The following AFAP1 variants were observed in gnomAD, a reference collection of about 807,000 sequenced individuals.
AFAP1 encodes the protein actin filament associated protein 1, also known as actin filament-associated protein 1.
A neutral mutation model predicts 93.9 loss-of-function variants in AFAP1; 75 were observed. The observed-to-expected ratio is 0.80, with a 90% CI of 0.66 to 0.97. AFAP1 has a LOEUF of 0.97. AFAP1 is among the 50% of genes least tolerant of loss of function. The pLI, the probability that AFAP1 is intolerant of heterozygous loss-of-function variation, is 0.00. For missense variants in AFAP1, 1,201 were observed against 1,050.8 expected (o/e 1.14, Z -1.98); for synonymous variants, 517 against 430.7 (o/e 1.20, Z -2.48).
chr4:7,853,546 C>A (rs929934731), intron 4 of AFAP1, among the ~76,000 whole-genome samples: 1 of 152,152 alleles, frequency 6.6e-6, no homozygotes, highest in African/African-American at 2.4e-5. Flanking sequence ...TTCCCGGCTG[C>A]CGGCCCGACC....
intron 8 of AFAP1, 74 bp from the exon 9 acceptor site, chr4:7,809,837 A>G: frequency 6.6e-7 from 1 of 1,525,270 alleles, no homozygotes; most frequent in Non-Finnish European, 8.8e-7. Flanking sequence ...CATACATCAA[A>G]ACCCATTTCT....
At chr4:7,832,033 G>A (rs754426145) in intron 6 of AFAP1, among the ~76,000 whole-genome samples, 11 of 152,104 alleles carry the variant, frequency 7.2e-5, no homozygotes, top group African/African-American at 2.2e-4. Flanking sequence ...GTAGCACTTC[G>A]CCCACCTGAG....
chr4:7,763,147 A>T lies in AFAP1; in HGVS notation c.*618T>A, dbSNP rs1372403019. 6.5e-6 allele frequency: 1 copy of T among 152,712 alleles called. No homozygotes were observed. Among genetic ancestry groups the T allele is most frequent in the Non-Finnish European group, 1.5e-5 (1 of 68,090 alleles). The allele number at this position is 152,712 out of a possible 1,614,324, so 9.5% of individuals were successfully genotyped here. On this transcript the variant is annotated 3_prime_UTR_variant, in exon 18 of 18. Transcript: ENST00000420658. The stretch of plus-strand genomic sequence containing the variant: ...CTTTTCATGTCTTGGTGACAAAAGC[A>T]TCTGTCCAAAAAATAATAATAAAAG...
intron 6 of AFAP1, among the ~76,000 whole-genome samples, chr4:7,836,328 G>T (rs934914906): frequency 3.3e-5 from 5 of 152,228 alleles, no homozygotes; most frequent in African/African-American, 1.2e-4. Context: ...CCCAAGTACT[G>T]TAAGAGCCAC....
intron 10 of AFAP1, among the ~76,000 whole-genome samples, chr4:7,796,869 G>A (rs953923890): frequency 6.6e-6 from 1 of 150,980 alleles, no homozygotes; most frequent in Admixed American, 6.6e-5. Flanking sequence ...AGACCAGCCT[G>A]GCTAACATGG....
chr4:7,901,331 T>C (rs1290008272), intron 1 of AFAP1, among the ~76,000 whole-genome samples: 1 of 152,182 alleles, frequency 6.6e-6, no homozygotes, highest in African/African-American at 2.4e-5. Flanking sequence ...AAATCACAGG[T>C]ATCACATACT....
rs1560236337 is a variant in AFAP1, at chr4:7,918,966, T to TCGGCCCAGGTCACCA, written c.-3+20689_-3+20690insTGGTGACCTGGGCCG. Among the ~76,000 whole-genome samples the TCGGCCCAGGTCACCA allele has an allele frequency of 3.6e-4, 13 of 35,962 alleles. No homozygotes were observed. The East Asian group carries it at 4.6e-3, about 13-fold the overall frequency. 23.6% of individuals were successfully genotyped at this position (35,962 alleles called of 152,430 possible). ...CCAGGTCACCAGGAAACAGGGCTGT[T>TCGGCCCAGGTCACCA]GGAAGAGACACTCGGCCCAGGTCAC... is the stretch of plus-strand genomic sequence containing the variant. On this transcript the variant is annotated intron_variant, in intron 1 of 17. Coordinates refer to ENST00000420658, the MANE Select transcript of AFAP1 (RefSeq NM_001134647.2).
intron 9 of AFAP1, 43 bp from the exon 10 acceptor site, chr4:7,800,696 C>T: frequency 6.2e-7 from 1 of 1,607,086 alleles, no homozygotes; most frequent in African/African-American, 1.3e-5. Flanking sequence ...TCGGACAAGA[C>T]CAGGCGAGGT....
chr4:7,763,824 G>T, intron 17 of AFAP1, 33 bp from the exon 18 acceptor site: 1 of 1,551,106 alleles, frequency 6.4e-7, no homozygotes, highest in Non-Finnish European at 8.7e-7. Context: ...AAGTGGACAG[G>T]GCAAGAGGAT....
intron 1 of AFAP1, among the ~76,000 whole-genome samples, chr4:7,906,464 C>A (rs1204103211): frequency 2.0e-5 from 3 of 152,164 alleles, no homozygotes; most frequent in Non-Finnish European, 4.4e-5. Flanking sequence ...TTCCACCCCC[C>A]TATTCCGGAG....
chr4:7,883,063 T>C (rs1577332053), intron 1 of AFAP1, among the ~76,000 whole-genome samples: 1 of 150,934 alleles, frequency 6.6e-6, no homozygotes, highest in African/African-American at 2.4e-5. Flanking sequence ...CACACACCTG[T>C]AGTCTCAGCT....
At chr4:7,902,331 A>T (rs1719163632) in intron 1 of AFAP1, among the ~76,000 whole-genome samples, 1 of 152,188 alleles carries the variant, frequency 6.6e-6, no homozygotes, top group Non-Finnish European at 1.5e-5. Context: ...ATTTAAAATT[A>T]ATAAGCCTGC....
At chr4:7,819,955 G>C (rs4689873) in intron 6 of AFAP1, among the ~76,000 whole-genome samples, 30,610 of 152,168 alleles carry the variant, frequency 0.2, 3,740 homozygotes, top group African/African-American at 0.33. Context: ...CCCAAGACAG[G>C]GCCTAAAGCA....
intron 1 of AFAP1, among the ~76,000 whole-genome samples, chr4:7,899,027 A>G (rs6837845): frequency 0.13 from 19,517 of 150,044 alleles, 1,447 homozygotes; most frequent in Non-Finnish European, 0.18. Flanking sequence ...ATGTGTGTGT[A>G]TATATATATA....
chr4:7,800,568 C>A lies in AFAP1; in HGVS notation c.1140G>T (p.Arg380Ser). ...ACACAATATGGGTCTTCAGGTCGGT[C>A]CTGTCCTTGTGGAAAATGAGCTTGT... Reference protein sequence around the residue: ...KDNKLIFHKDRTDLKTHIVSI... With the variant: ...KDNKLIFHKDSTDLKTHIVSI... Residue 380 changes from arginine to serine, a missense_variant, in exon 10 of 18, where the codon AGG becomes AGT. Physicochemically the swap from Arg to Ser is moderately radical, Grantham distance 110 (BLOSUM62 -1). Transcript: ENST00000420658. The A allele has an allele frequency of 6.2e-7, 1 of 1,614,170 alleles. No homozygotes were observed. Among genetic ancestry groups the A allele is most frequent in the Non-Finnish European group, 8.5e-7 (1 of 1,180,044 alleles).
Position 7,937,056 on chromosome 4 carries a change from T to A in AFAP1, c.-3+2600A>T, listed in dbSNP as rs114721664. Among the ~76,000 whole-genome samples, 740 of 152,222 alleles carry A rather than the reference T, an allele frequency of 4.9e-3. 4 individuals carry two copies. The highest frequency in any genetic ancestry group is 0.017 in the African/African-American group (711 of 41,510). ...ACAAAATGCTCCTGAAAAAAAGATC[T>A]GAGCTCAACAACTCCATTAATGAGA... On this transcript the variant is annotated intron_variant, in intron 1 of 17. Coordinates refer to ENST00000420658, the MANE Select transcript of AFAP1 (RefSeq NM_001134647.2).
At chr4:7,848,125 A>AAGGAAGGAAGGAAGGG (rs1713972180) in intron 4 of AFAP1, among the ~76,000 whole-genome samples, 1 of 91,132 alleles carries the variant, frequency 1.1e-5, no homozygotes, top group South Asian at 4.5e-4. Context: ...GGAAGGAAGG[A>AAGGAAGGAAGGAAGGG]AGGGAGTGAG....
intron 6 of AFAP1, among the ~76,000 whole-genome samples, chr4:7,821,224 A>G (rs1234901647): frequency 6.6e-6 from 1 of 152,210 alleles, no homozygotes; most frequent in Non-Finnish European, 1.5e-5. Context: ...AATAAGTGTG[A>G]AGATTACCTG....
chr4:7,794,097 G>A (rs1402327761), intron 10 of AFAP1, among the ~76,000 whole-genome samples: 1 of 152,184 alleles, frequency 6.6e-6, no homozygotes, highest in Non-Finnish European at 1.5e-5. Context: ...GCACTAGGGT[G>A]TAAGACAGGA....
Sources: allele counts gnomAD v4.1 joint callset (sites outside exome capture counted in the v4.1 genomes callset), GRCh38; gene constraint gnomAD v4.1.1; transcripts MANE v1.5; gene names NCBI Gene and HGNC (gene_info 2026-07-23, HGNC 2026-07-21).